Variants in LMAN2L observed in about 807,000 individuals in gnomAD.
LMAN2L encodes lectin, mannose binding 2 like, also known as VIP36-like protein.
A neutral mutation model predicts 44.3 loss-of-function variants in LMAN2L; 30 were observed. The observed-to-expected ratio is 0.68, with a 90% confidence interval of 0.51 to 0.92. LMAN2L has a LOEUF of 0.92. Among genes scored for constraint, LMAN2L ranks in the 40% least tolerant of loss-of-function variants. LMAN2L has a pLI of 0.00. For missense variants in LMAN2L, 429 were observed against 446.1 expected (o/e 0.96, Z 0.35); for synonymous variants, 183 against 171.1 (o/e 1.07, Z -0.54).
At chr2:96,729,595 G>A (rs960487719) in intron 4 of LMAN2L, among the ~76,000 whole-genome samples, 3 of 151,292 alleles carry the variant, frequency 2.0e-5, no homozygotes, top group South Asian at 2.1e-4. Context: ...TGCAACCTCC[G>A]TCTCCCAGGT....
At chr2:96,733,680 G>A (rs1574028778) in intron 3 of LMAN2L, 79 bp from the exon 4 acceptor site, 1 of 1,192,130 alleles carries the variant, frequency 8.4e-7, no homozygotes. Flanking sequence ...TATGATGGAG[G>A]AAAAAGTAAA....
chr2:96,710,468 C>T (rs895930653), intron 6 of LMAN2L, among the ~76,000 whole-genome samples: 4 of 152,094 alleles, frequency 2.6e-5, no homozygotes, highest in Non-Finnish European at 4.4e-5. Context: ...GAGATGGAGA[C>T]CATCCTGGCC....
At chr2:96,714,911 C>T (rs1332938965) in intron 4 of LMAN2L, among the ~76,000 whole-genome samples, 2 of 152,032 alleles carry the variant, frequency 1.3e-5, no homozygotes, top group Non-Finnish European at 2.9e-5. Flanking sequence ...GAGTCTCATT[C>T]GTATGGCTAG....
At chr2:96,736,709 C>T (rs2078523241) in intron 2 of LMAN2L, among the ~76,000 whole-genome samples, 2 of 152,216 alleles carry the variant, frequency 1.3e-5, no homozygotes, top group African/African-American at 4.8e-5. Flanking sequence ...TATTCTGAAG[C>T]TCATTTATCA....
At position 96,707,374 on chromosome 2, in the gene LMAN2L, C is replaced by G; in HGVS notation, c.929G>C (p.Ser310Thr). 6.2e-7 allele frequency: 1 copy of G among 1,613,080 alleles called. No individual in the cohort carries two copies. Among genetic ancestry groups the G allele is most frequent in the Non-Finnish European group, 8.5e-7 (1 of 1,179,554 alleles). Reference protein sequence around the residue: ...PEMTAPLPPLSGLALFLIVFF... With the variant: ...PEMTAPLPPLTGLALFLIVFF... The stretch of plus-strand genomic sequence containing the variant: ...GACGATGAGGAAGAGGGCCAGGCCA[C>G]TCAGGGGCGGCAGTGGAGCTGTCAC... The change falls in exon 8 of 8, where the codon AGT becomes ACT. Residue 310 changes from serine to threonine, a missense_variant. Physicochemically the swap from Ser to Thr is moderately conservative, Grantham distance 58. Transcript: ENST00000264963.
chr2:96,733,875 G>A (rs946906776), intron 3 of LMAN2L, among the ~76,000 whole-genome samples: 8 of 152,262 alleles, frequency 5.3e-5, no homozygotes, highest in Non-Finnish European at 8.8e-5. Flanking sequence ...ATCCAAACTG[G>A]TTGCTAAGGT....
At chr2:96,736,844 T>C (rs1212965382) in intron 2 of LMAN2L, among the ~76,000 whole-genome samples, 1 of 152,134 alleles carries the variant, frequency 6.6e-6, no homozygotes, top group East Asian at 1.9e-4. Flanking sequence ...AACACAATGC[T>C]CTGTACTCTG....
At chr2:96,733,958 T>C (rs557516298) in intron 3 of LMAN2L, among the ~76,000 whole-genome samples, 1 of 152,290 alleles carries the variant, frequency 6.6e-6, no homozygotes, top group Non-Finnish European at 1.5e-5. Flanking sequence ...ATTCCCTAGT[T>C]CTCCTTCTTG....
intron 2 of LMAN2L, chr2:96,737,186 C>T (rs1408154742): frequency 8.8e-6 from 4 of 455,816 alleles, no homozygotes; most frequent in Non-Finnish European, 1.8e-5. Flanking sequence ...GCATTCACTT[C>T]TTGTCGCCAT....
intron 4 of LMAN2L, among the ~76,000 whole-genome samples, chr2:96,718,175 C>T (rs2078079797): frequency 6.6e-6 from 1 of 152,206 alleles, no homozygotes; most frequent in Non-Finnish European, 1.5e-5. Context: ...AGGCTAGTCT[C>T]AAACTCCTGA....
chr2:96,709,491 G>A (rs931118033), intron 6 of LMAN2L, among the ~76,000 whole-genome samples: 7 of 152,170 alleles, frequency 4.6e-5, no homozygotes, highest in African/African-American at 7.2e-5. Flanking sequence ...GTTACTGACT[G>A]GGGCCTGGAT....
chr2:96,727,119 C>T (rs1290024785), intron 4 of LMAN2L, among the ~76,000 whole-genome samples: 3 of 151,962 alleles, frequency 2.0e-5, no homozygotes, highest in East Asian at 3.9e-4. Flanking sequence ...GTGTGTGACA[C>T]ACACACAAAC....
chr2:96,738,147 C>T lies in LMAN2L; in HGVS notation c.188-80G>A, dbSNP rs138250611. 2,035 of 905,368 alleles carry T rather than the reference C, an allele frequency of 2.2e-3. 3 individuals are homozygous for T. Among genetic ancestry groups the T allele is most frequent in the Non-Finnish European group, 2.8e-3 (1,566 of 554,436 alleles). The allele number at this position is 905,368 out of a possible 1,614,324, so 56.1% of individuals were successfully genotyped here. ...GCAGCCACCACAGAGCCTCTGAAAG[C>T]TGAGCCATCATCTTTTTCCCCCTTT... is the stretch of plus-strand genomic sequence containing the variant. On this transcript the variant is annotated intron_variant, in intron 1 of 7. Coordinates refer to ENST00000264963, the MANE Select transcript of LMAN2L (RefSeq NM_030805.4).
At position 96,733,499 on chromosome 2, in the gene LMAN2L, G is replaced by A. The variant is rs375445834; in HGVS notation, c.507+20C>T. On this transcript the variant is annotated intron_variant, in intron 4 of 7. Coordinates refer to ENST00000264963, the MANE Select transcript of LMAN2L (RefSeq NM_030805.4). ...TGTGATGTCAGTGTAGCTGACCTAG[G>A]CTCTGACACTTGCCATTACCTCTTG... is the stretch of plus-strand genomic sequence containing the variant. 8.9e-6 allele frequency: 14 copies of A among 1,580,062 alleles called. No homozygotes were observed. The African/African-American group carries it at 1.7e-4, about 20-fold the overall frequency.
intron 4 of LMAN2L, among the ~76,000 whole-genome samples, chr2:96,719,236 T>C (rs2078101326): frequency 6.6e-6 from 1 of 152,200 alleles, no homozygotes; most frequent in Non-Finnish European, 1.5e-5. Flanking sequence ...TCAACTCTTC[T>C]GTGTACATGC....
intron 4 of LMAN2L, among the ~76,000 whole-genome samples, chr2:96,717,959 CT>C (rs1282476437): frequency 6.6e-6 from 1 of 151,874 alleles, no homozygotes; most frequent in East Asian, 1.9e-4. Context: ...AAAGGACCAA[CT>C]TTTTTTTCTT....
At chr2:96,725,196 G>C (rs548743172) in intron 4 of LMAN2L, among the ~76,000 whole-genome samples, 21 of 151,906 alleles carry the variant, frequency 1.4e-4, no homozygotes, top group South Asian at 2.1e-4. Flanking sequence ...CTGACCTCGT[G>C]ATCTACCCGT....
rs931251146 is a variant in LMAN2L at position 96,716,015 on chromosome 2, A to G, written c.508-3990T>C. 3.3e-5 allele frequency among the ~76,000 whole-genome samples: 5 copies of G among 152,236 alleles called. No homozygotes were observed. The East Asian group carries it at 5.8e-4, about 18-fold the overall frequency. ...TCAGGAGGGAGTCAATAAACATTCAATCAGTGACTAGTGTATTTCTAGATA... is the reference window on the plus strand; with the variant it reads ...TCAGGAGGGAGTCAATAAACATTCAGTCAGTGACTAGTGTATTTCTAGATA... On this transcript the variant is annotated intron_variant, in intron 4 of 7. Transcript: ENST00000264963.
At chr2:96,707,941 C>A in intron 6 of LMAN2L, 108 bp from the exon 7 acceptor site, 1 of 1,133,674 alleles carries the variant, frequency 8.8e-7, no homozygotes, top group Non-Finnish European at 1.3e-6. Context: ...CCAGCAGTGA[C>A]CTTGAAAAAA....
Sources: allele counts gnomAD v4.1 joint callset (sites outside exome capture counted in the v4.1 genomes callset), GRCh38; gene constraint gnomAD v4.1.1; transcripts MANE v1.5; gene names NCBI Gene and HGNC (gene_info 2026-07-23, HGNC 2026-07-21).